The following BBS2 variants were observed in gnomAD, a reference collection of about 807,000 sequenced individuals.
BBS2 encodes the protein BBSome complex member BBS2.
In BBS2, 62 loss-of-function variants were observed where a neutral mutation model predicts 83.0. The ratio of observed to expected loss-of-function variants is 0.75; its 90% confidence interval spans 0.61 to 0.92. The LOEUF (loss-of-function observed/expected upper bound fraction) is 0.92. Ranked by LOEUF, BBS2 falls within the 40% of genes least tolerant of loss-of-function variation. The probability of loss-of-function intolerance (pLI) is 0.00; values close to 1 mark genes in which losing one functional copy is unlikely to be tolerated. For synonymous variants in BBS2, 303 were observed against 326.1 expected, an observed-to-expected ratio of 0.93 and a Z score of 0.76; for missense variants, 784 against 901.0, an observed-to-expected ratio of 0.87 and a Z score of 1.66.
At chr16:56,501,768 AAAGT>A in intron 9 of BBS2, 1 of 475,052 alleles carries the variant, frequency 2.1e-6, no homozygotes, top group Non-Finnish European at 3.8e-6. Flanking sequence ...TTGTTCTTTT[AAAGT>A]AAGCAAACAA....
At chr16:56,477,625 G>T (rs2144074927) in intron 17 of BBS2, 1 of 152,254 alleles carries the variant, frequency 6.6e-6, no homozygotes, top group South Asian at 2.1e-4. Context: ...TTTTTTTCTT[G>T]AACTGTTCCA....
chr16:56,513,069 T>C (rs1312427751), intron 2 of BBS2, among the ~76,000 whole-genome samples: 1 of 152,132 alleles, frequency 6.6e-6, no homozygotes, highest in Non-Finnish European at 1.5e-5. Flanking sequence ...GGAGAATTGC[T>C]TGAGCCCATG....
At chr16:56,502,542 C>T in intron 8 of BBS2, 86 bp from the exon 9 acceptor site, 1 of 1,608,760 alleles carries the variant, frequency 6.2e-7, no homozygotes, top group Non-Finnish European at 8.5e-7. Flanking sequence ...AACCTAAGTT[C>T]TCCCCAACTT....
At chr16:56,507,410 T>A (rs1264062379) in intron 5 of BBS2, among the ~76,000 whole-genome samples, 1 of 152,226 alleles carries the variant, frequency 6.6e-6, no homozygotes, top group Non-Finnish European at 1.5e-5. Context: ...AGGAAAGAGA[T>A]GTTTCAAAGA....
downstream of BBS2, among the ~76,000 whole-genome samples, chr16:56,483,657 A>C (rs1306837893): frequency 6.6e-6 from 1 of 151,904 alleles, no homozygotes; most frequent in Non-Finnish European, 1.5e-5. Flanking sequence ...TGTTGTTTGC[A>C]CCCATCTTTC....
intron 17 of BBS2, among the ~76,000 whole-genome samples, chr16:56,472,266 G>A (rs1015834138): frequency 6.6e-5 from 10 of 151,882 alleles, no homozygotes; most frequent in African/African-American, 2.4e-4. Context: ...AATCACACCT[G>A]GCCAAAACTT....
chr16:56,497,748 C>CTA lies in BBS2; in HGVS notation c.1790_1791dup (p.Val598Ter). 6.2e-7 allele frequency: 1 copy of CTA among 1,613,466 alleles called. No homozygotes were observed. Among genetic ancestry groups the CTA allele is most frequent in the Non-Finnish European group, 8.5e-7 (1 of 1,179,830 alleles). On this transcript the variant is annotated frameshift_variant, in exon 14 of 17. Coordinates refer to ENST00000245157, the MANE Select transcript of BBS2 (RefSeq NM_031885.5). LOFTEE classifies it high-confidence loss of function. ...CATCTACCGCATTCCCTCACCTTAA[C>CTA]TAGCACCTTTCGTAATTCCTCAAAA...
At chr16:56,490,128 G>GCACGCA (rs1555520679) in intron 15 of BBS2, among the ~76,000 whole-genome samples, 5 of 113,050 alleles carry the variant, frequency 4.4e-5, no homozygotes, top group Non-Finnish European at 1.1e-4. Context: ...ACACACACAC[G>GCACGCA]CACACACACA....
At chr16:56,504,639 A>G (rs1482470743) in intron 7 of BBS2, among the ~76,000 whole-genome samples, 3 of 152,230 alleles carry the variant, frequency 2.0e-5, no homozygotes, top group Admixed American at 1.3e-4. Context: ...AACGCATTAC[A>G]TAATAGAAAT....
intron 12 of BBS2, 109 bp from the exon 13 acceptor site, chr16:56,498,677 C>T (rs1185025348): frequency 1.1e-5 from 18 of 1,582,224 alleles, no homozygotes; most frequent in Non-Finnish European, 1.5e-5. Context: ...GAAGAGTTCT[C>T]CTTCTTTCTA....
intron 4 of BBS2, 128 bp from the exon 5 acceptor site, chr16:56,510,162 C>T: frequency 1.3e-6 from 1 of 767,594 alleles, no homozygotes; most frequent in Non-Finnish European, 2.2e-6. Flanking sequence ...ACCTCATAAT[C>T]GTTTGATGCT....
rs937877314 is a variant in BBS2 at position 56,474,740 on chromosome 16, G to C, written c.*1-4045C>G. The C allele has an allele frequency of 5.0e-6, 5 of 993,528 alleles. No individual in the cohort carries two copies. In the African/African-American group the frequency reaches 8.2e-5, roughly 16 times the overall value. 61.5% of individuals were successfully genotyped at this position (993,528 alleles called of 1,614,324 possible). ...GTGGGAATGGTTTCCCTGTGTTGCT[G>C]TATCATTCCTAATTATGATTCCCTT... On this transcript the variant is annotated intron_variant, in intron 17 of 17. Coordinates refer to the BBS2 transcript ENST00000682047.
rs1179270658 is a variant in BBS2, at chr16:56,496,969, G to T, written c.1908C>A (p.Asp636Glu). 6.2e-7 allele frequency: 1 copy of T among 1,610,038 alleles called. No homozygotes were observed. Among genetic ancestry groups the T allele is most frequent in the Admixed American group, 1.7e-5 (1 of 60,016 alleles). Residue 636 changes from aspartate to glutamate, a missense_variant and splice_region_variant, in exon 15 of 17, where the codon GAC (aspartate) becomes GAA (glutamate). Physicochemically the swap from Asp to Glu is conservative, Grantham distance 45. Transcript: ENST00000245157. ...TACTAACCATGACAAATACTCACAT[G>T]TCCCTCATCAGACGAGCATCCTCAG... ...VGAEDARLMR[D>E]MKTMKSRYME... is the part of the protein sequence containing the mutation.
chr16:56,476,190 C>G, intron 17 of BBS2: 1 of 1,611,612 alleles, frequency 6.2e-7, no homozygotes, highest in East Asian at 2.2e-5. Flanking sequence ...ACTTTTCATT[C>G]ATCTATTATG....
intron 17 of BBS2, chr16:56,476,134 A>C (rs751947201): frequency 2.5e-6 from 4 of 1,613,928 alleles, no homozygotes; most frequent in Non-Finnish European, 3.4e-6. Flanking sequence ...TAACCACCGA[A>C]GCCTGGAACA....
rs1963725327 is a variant in BBS2, at chr16:56,484,689, T to C, written c.*72A>G. 5.1e-6 allele frequency: 7 copies of C among 1,373,978 alleles called. No homozygotes were observed. The Admixed American group carries it at 7.1e-5, about 14-fold the overall frequency. 85.1% of individuals were successfully genotyped at this position (1,373,978 alleles called of 1,614,324 possible). A position where few individuals can be genotyped will look rare whatever the true frequency, so the allele number is the denominator to read the frequency against. On this transcript the variant is annotated 3_prime_UTR_variant, in exon 17 of 17. Transcript: ENST00000245157. ...GCACCCGGGGTTCACCAGGGTGTGA[T>C]CCAAAGCAAACCAGCATAGGTTTTT...
chr16:56,501,284 A>T (rs1419705953), intron 10 of BBS2, 69 bp downstream of exon 10: 10 of 1,501,314 alleles, frequency 6.7e-6, no homozygotes, highest in Middle Eastern at 2.0e-4. Flanking sequence ...TCTGTCTCAA[A>T]AAAAAAAAAA....
chr16:56,501,448 A>C lies in BBS2; in HGVS notation c.1130T>G (p.Ile377Ser), dbSNP rs1207265942. The change falls in exon 10 of 17, where the codon ATC becomes AGC. Residue 377 changes from isoleucine (I) to serine (S), a missense_variant. Transcript: ENST00000245157. ...LNEADGHRGI[I>S]PANTRLHTTL... is the part of the protein sequence containing the mutation. Reference sequence around the variant, plus strand: ...GGTGTGGAGCCTGGTATTGGCTGGGATTATGCCCCGATGCCCATCAGCCTC... The same window carrying C: ...GGTGTGGAGCCTGGTATTGGCTGGGCTTATGCCCCGATGCCCATCAGCCTC... 6.2e-7 allele frequency: 1 copy of C among 1,613,966 alleles called. No individual in the cohort carries two copies. The highest frequency in any genetic ancestry group is 8.5e-7 in the Non-Finnish European group (1 of 1,180,016).
intron 17 of BBS2, among the ~76,000 whole-genome samples, chr16:56,473,166 A>G (rs1963284201): frequency 6.6e-6 from 1 of 152,034 alleles, no homozygotes; most frequent in Non-Finnish European, 1.5e-5. Context: ...TCTTGACCTC[A>G]TGATCCGCCC....
Sources: gnomAD v4.1 joint callset for allele counts (sites outside exome capture counted in the v4.1 genomes callset) on GRCh38, gnomAD v4.1.1 for gene constraint, MANE v1.5 for transcripts, NCBI Gene and HGNC (gene_info 2026-07-23, HGNC 2026-07-21) for gene names.